IPCEF1: variants seen among roughly 807,000 people sequenced by gnomAD.
IPCEF1 encodes interactor protein for cytohesin exchange factors 1.
IPCEF1 carries 31 observed loss-of-function variants against 50.9 expected under a neutral mutation model. The observed-to-expected ratio is 0.61, with a 90% CI of 0.46 to 0.82. IPCEF1 has a LOEUF of 0.82. IPCEF1 is among the 40% of genes least tolerant of loss of function. The probability of loss-of-function intolerance (pLI) is 0.00; values close to 1 mark genes in which losing one functional copy is unlikely to be tolerated. For missense variants in IPCEF1, 458 were observed against 514.0 expected (o/e 0.89, Z 1.05); for synonymous variants, 181 against 192.0 (o/e 0.94, Z 0.47).
chr6:154,227,487 G>A (rs1386414232), intron 5 of IPCEF1, among the ~76,000 whole-genome samples: 2 of 152,102 alleles, frequency 1.3e-5, no homozygotes, highest in African/African-American at 4.8e-5. Context: ...TGGAGGCCAA[G>A]GTGGGAGGAT....
intron 2 of IPCEF1, among the ~76,000 whole-genome samples, chr6:154,273,863 C>T (rs1355504879): frequency 1.3e-5 from 2 of 149,384 alleles, no homozygotes; most frequent in African/African-American, 4.9e-5. Flanking sequence ...ACGGCATTCT[C>T]CTGCCTCAGC....
intron 1 of IPCEF1, among the ~76,000 whole-genome samples, chr6:154,303,647 C>T (rs999424866): frequency 1.3e-5 from 2 of 152,162 alleles, no homozygotes; most frequent in African/African-American, 4.8e-5. Flanking sequence ...CCTGGCTAGG[C>T]ACAGTGGCTC....
intron 5 of IPCEF1, 72 bp from the exon 6 acceptor site, chr6:154,223,315 C>T (rs1438056030): frequency 3.5e-6 from 4 of 1,131,970 alleles, no homozygotes; most frequent in Non-Finnish European, 5.2e-6. Context: ...AGATCATATA[C>T]ATGGAATAGG....
At chr6:154,291,122 G>A (rs1263967195) in intron 1 of IPCEF1, among the ~76,000 whole-genome samples, 1 of 152,068 alleles carries the variant, frequency 6.6e-6, no homozygotes, top group Non-Finnish European at 1.5e-5. Context: ...TTGAACTCCT[G>A]ACCTCGTGAT....
intron 2 of IPCEF1, among the ~76,000 whole-genome samples, chr6:154,280,708 G>A (rs1001771291): frequency 6.6e-6 from 1 of 152,202 alleles, no homozygotes; most frequent in African/African-American, 2.4e-5. Flanking sequence ...CAGGAGAGTG[G>A]AAACCTTTGA....
intron 1 of IPCEF1, among the ~76,000 whole-genome samples, chr6:154,352,460 G>C (rs1354773296): frequency 6.6e-6 from 1 of 152,180 alleles, no homozygotes; most frequent in Non-Finnish European, 1.5e-5. Flanking sequence ...TCTTTTGAAA[G>C]ACTCATCCAC....
At chr6:154,340,013 A>G (rs1783875412) in intron 1 of IPCEF1, among the ~76,000 whole-genome samples, 1 of 152,162 alleles carries the variant, frequency 6.6e-6, no homozygotes, top group Admixed American at 6.5e-5. Flanking sequence ...TCAAGGCTGG[A>G]AAGATGGGTG....
chr6:154,238,568 G>A (rs1439194783), intron 5 of IPCEF1, among the ~76,000 whole-genome samples: 1 of 152,060 alleles, frequency 6.6e-6, no homozygotes, highest in Non-Finnish European at 1.5e-5. Context: ...ACCCGGCCAA[G>A]CCTGTATGAT....
chr6:154,187,009 C>T, intron 10 of IPCEF1, among the ~76,000 whole-genome samples: 1 of 151,982 alleles, frequency 6.6e-6, no homozygotes, highest in East Asian at 1.9e-4. Context: ...CTTCTTGCAC[C>T]TCTGCTCCTG....
At chr6:154,356,546 A>T (rs537156131) in intron 1 of IPCEF1, 126 bp downstream of exon 1, 2 of 152,340 alleles carry the variant, frequency 1.3e-5, no homozygotes, top group African/African-American at 4.8e-5. Flanking sequence ...AGTGAATATT[A>T]CATCCCCAAA....
intron 9 of IPCEF1, among the ~76,000 whole-genome samples, chr6:154,204,973 G>A (rs904905442): frequency 2.0e-5 from 3 of 151,898 alleles, no homozygotes; most frequent in African/African-American, 7.3e-5. Flanking sequence ...CACATCTCTG[G>A]TCCCTTCTGC....
intron 1 of IPCEF1, among the ~76,000 whole-genome samples, chr6:154,337,526 G>C (rs976181391): frequency 6.6e-6 from 1 of 152,216 alleles, no homozygotes; most frequent in Admixed American, 6.5e-5. Context: ...CAGGAGACAA[G>C]ACACAAGTTA....
intron 1 of IPCEF1, among the ~76,000 whole-genome samples, chr6:154,341,373 G>C (rs770130253): frequency 6.6e-6 from 1 of 152,198 alleles, no homozygotes; most frequent in Non-Finnish European, 1.5e-5. Flanking sequence ...AAGTCGCCAG[G>C]GTGGAAGAGG....
At chr6:154,350,085 C>G (rs1784096221) in intron 1 of IPCEF1, among the ~76,000 whole-genome samples, 1 of 152,060 alleles carries the variant, frequency 6.6e-6, no homozygotes, top group African/African-American at 2.4e-5. Context: ...TATGCAGGTA[C>G]CAGCCTAAAT....
chr6:154,349,354 ACTAAT>A (rs1410195278), intron 1 of IPCEF1, among the ~76,000 whole-genome samples: 3 of 131,964 alleles, frequency 2.3e-5, no homozygotes, highest in African/African-American at 8.8e-5. Flanking sequence ...ACCACACTTA[ACTAAT>A]TTTATTTTAT....
chr6:154,163,330 C>T (rs1217488324), intron 11 of IPCEF1, among the ~76,000 whole-genome samples: 5 of 152,180 alleles, frequency 3.3e-5, no homozygotes, highest in Non-Finnish European at 5.9e-5. Flanking sequence ...GTTCCTTTTG[C>T]CTGAAATATT....
intron 4 of IPCEF1, 103 bp from the exon 5 acceptor site, chr6:154,246,863 T>A (rs2057415735): frequency 9.2e-6 from 12 of 1,308,010 alleles, no homozygotes; most frequent in Non-Finnish European, 1.2e-5. Flanking sequence ...TTTTAATTGT[T>A]AACCCCCCGG....
intron 1 of IPCEF1, among the ~76,000 whole-genome samples, chr6:154,309,765 C>CT (rs1483695576): frequency 2.9e-5 from 4 of 137,928 alleles, no homozygotes; most frequent in Admixed American, 7.2e-5. Context: ...CTTTTCTTTT[C>CT]TTGTTTTTTT....
At chr6:154,312,482 G>A (rs1184920396) in intron 1 of IPCEF1, among the ~76,000 whole-genome samples, 1 of 152,082 alleles carries the variant, frequency 6.6e-6, no homozygotes, top group Non-Finnish European at 1.5e-5. Context: ...GAGTAACTGG[G>A]ACTACAGGCA....
Sources: allele counts gnomAD v4.1 joint callset (sites outside exome capture counted in the v4.1 genomes callset), GRCh38; gene constraint gnomAD v4.1.1; transcripts MANE v1.5; gene names NCBI Gene and HGNC (gene_info 2026-07-23, HGNC 2026-07-21).